The following ASTN2 variants were observed in gnomAD, a reference collection of about 807,000 sequenced individuals.
ASTN2 encodes the protein astrotactin-2.
In ASTN2, 54 loss-of-function variants were observed where a neutral mutation model predicts 139.8. The ratio of observed to expected loss-of-function variants is 0.39; its 90% CI spans 0.31 to 0.48. ASTN2 has a LOEUF of 0.48. Ranked by LOEUF, ASTN2 falls within the 20% of genes least tolerant of loss-of-function variation. The pLI is 0.95. For missense variants in ASTN2, 1,565 were observed against 1,725.1 expected, an observed-to-expected ratio of 0.91 and a Z score of 1.64; for synonymous variants, 756 against 719.5, an observed-to-expected ratio of 1.05 and a Z score of -0.81.
intron 4 of ASTN2, among the ~76,000 whole-genome samples, chr9:117,115,610 C>G (rs1257796790): frequency 6.6e-6 from 1 of 152,114 alleles, no homozygotes; most frequent in African/African-American, 2.4e-5. Flanking sequence ...TATTGGAAAC[C>G]TTGGACAACA....
At chr9:116,930,255 C>T (rs1033481705) in intron 10 of ASTN2, among the ~76,000 whole-genome samples, 79 of 152,122 alleles carry the variant, frequency 5.2e-4, no homozygotes, top group African/African-American at 1.8e-3. Flanking sequence ...TGTGTGTCTG[C>T]AGTTTCTTGG....
intron 1 of ASTN2, among the ~76,000 whole-genome samples, chr9:117,360,949 G>A (rs1829675533): frequency 6.6e-6 from 1 of 152,086 alleles, no homozygotes; most frequent in South Asian, 2.1e-4. Flanking sequence ...ATGTAGAATT[G>A]GTGACATTAT....
At chr9:117,025,930 A>AT (rs1222760194) in intron 6 of ASTN2, among the ~76,000 whole-genome samples, 2 of 150,514 alleles carry the variant, frequency 1.3e-5, no homozygotes, top group Non-Finnish European at 3.0e-5. Context: ...TAGCTGGACT[A>AT]TTTTTTGTAT....
chr9:117,022,896 C>G (rs559495201), intron 6 of ASTN2, among the ~76,000 whole-genome samples: 75 of 152,126 alleles, frequency 4.9e-4, no homozygotes, highest in African/African-American at 1.8e-3. Flanking sequence ...GACCACCTGT[C>G]CCGGGTTCTC....
intron 16 of ASTN2, among the ~76,000 whole-genome samples, chr9:116,664,946 T>C (rs927806064): frequency 6.6e-6 from 1 of 152,164 alleles, no homozygotes; most frequent in Non-Finnish European, 1.5e-5. Flanking sequence ...GTTTGGGTCA[T>C]GGGCATGGAT....
At chr9:116,550,523 C>T (rs1031497997) in intron 19 of ASTN2, among the ~76,000 whole-genome samples, 4 of 152,134 alleles carry the variant, frequency 2.6e-5, no homozygotes, top group Non-Finnish European at 5.9e-5. Flanking sequence ...CATTACTCAA[C>T]TGAAGCTCAG....
chr9:116,581,615 C>T (rs1853956775), intron 19 of ASTN2, among the ~76,000 whole-genome samples: 1 of 152,216 alleles, frequency 6.6e-6, no homozygotes, highest in South Asian at 2.1e-4. Context: ...TTTGCACTGA[C>T]ATATTGCATG....
chr9:116,494,767 C>A (rs561821622), intron 19 of ASTN2, among the ~76,000 whole-genome samples: 1 of 152,124 alleles, frequency 6.6e-6, no homozygotes, highest in Non-Finnish European at 1.5e-5. Context: ...AACTTTCTCA[C>A]AAAAATCTAC....
intron 11 of ASTN2, among the ~76,000 whole-genome samples, chr9:116,862,264 C>A (rs562794507): frequency 5.1e-4 from 78 of 152,222 alleles, no homozygotes; most frequent in Middle Eastern, 6.8e-3. Flanking sequence ...GGATTCCTAT[C>A]CCTGGTTCTA....
At chr9:116,435,577 T>C (rs1847625190) in intron 22 of ASTN2, among the ~76,000 whole-genome samples, 1 of 152,216 alleles carries the variant, frequency 6.6e-6, no homozygotes, top group Non-Finnish European at 1.5e-5. Flanking sequence ...TATTTTTAAC[T>C]GAAGTATATT....
chr9:116,512,237 T>C (rs900855670), intron 19 of ASTN2, among the ~76,000 whole-genome samples: 4 of 152,222 alleles, frequency 2.6e-5, no homozygotes, highest in African/African-American at 9.6e-5. Flanking sequence ...ACATCTTTAT[T>C]TCTGCCTTCA....
intron 16 of ASTN2, among the ~76,000 whole-genome samples, chr9:116,668,522 G>C (rs750289001): frequency 6.6e-5 from 10 of 152,152 alleles, no homozygotes; most frequent in Non-Finnish European, 1.3e-4. Flanking sequence ...ATGCATTTAA[G>C]CTTCCTCCAT....
At chr9:117,368,825 C>G (rs1259135287) in intron 1 of ASTN2, among the ~76,000 whole-genome samples, 1 of 152,076 alleles carries the variant, frequency 6.6e-6, no homozygotes, top group Admixed American at 6.6e-5. Flanking sequence ...GGCCAAGTCC[C>G]CACTGACAAA....
intron 11 of ASTN2, among the ~76,000 whole-genome samples, chr9:116,847,028 AAAAAACAAAAAAC>A (rs1832456239): frequency 6.9e-5 from 5 of 72,818 alleles, no homozygotes; most frequent in African/African-American, 3.4e-4. Flanking sequence ...AAAAAAAAAC[AAAAAACAAAAAAC>A]AAAAAACAAA....
intron 2 of ASTN2, among the ~76,000 whole-genome samples, chr9:117,257,497 A>C (rs1833718774): frequency 6.6e-6 from 1 of 152,244 alleles, no homozygotes; most frequent in Non-Finnish European, 1.5e-5. Flanking sequence ...CACTAGAGCC[A>C]TGCAAGCTGA....
intron 11 of ASTN2, among the ~76,000 whole-genome samples, chr9:116,840,954 C>T (rs986294207): frequency 6.6e-6 from 1 of 152,070 alleles, no homozygotes; most frequent in African/African-American, 2.4e-5. Flanking sequence ...GGCGGAGAAG[C>T]TCCTCACTTC....
intron 16 of ASTN2, among the ~76,000 whole-genome samples, chr9:116,683,130 C>T (rs1859991929): frequency 6.6e-6 from 1 of 151,684 alleles, no homozygotes; most frequent in African/African-American, 2.4e-5. Flanking sequence ...CGCTTTGGTC[C>T]TCTTTAACGG....
intron 6 of ASTN2, among the ~76,000 whole-genome samples, chr9:117,032,606 C>A (rs766717998): frequency 2.0e-5 from 3 of 152,146 alleles, no homozygotes; most frequent in Non-Finnish European, 4.4e-5. Context: ...GTATTCAAAT[C>A]ACTGCAAACT....
At chr9:116,432,451 C>A (rs1847526941) in intron 22 of ASTN2, among the ~76,000 whole-genome samples, 1 of 152,190 alleles carries the variant, frequency 6.6e-6, no homozygotes, top group African/African-American at 2.4e-5. Context: ...TTAGACCTTG[C>A]AACTATGGAC....
Sources: gnomAD v4.1 joint callset for allele counts (sites outside exome capture counted in the v4.1 genomes callset) on GRCh38, gnomAD v4.1.1 for gene constraint, MANE v1.5 for transcripts, NCBI Gene and HGNC (gene_info 2026-07-23, HGNC 2026-07-21) for gene names.